Variants in PUDP observed in about 807,000 individuals in gnomAD.
PUDP encodes pseudouridine-5'-phosphatase.
In PUDP, 8 loss-of-function variants were observed where a neutral mutation model predicts 9.4. The ratio of observed to expected loss-of-function variants is 0.85; its 90% CI spans 0.50 to 1.53. PUDP has a LOEUF of 1.53. Ranked by LOEUF, PUDP falls within the 40% of genes most tolerant of loss-of-function variation. The pLI is 0.00. For synonymous variants in PUDP, 99 were observed against 80.7 expected (o/e 1.23, Z -1.22); for missense variants, 188 against 189.7 (o/e 0.99, Z 0.05).
chrX:6,772,944 T>C (rs192043267), intron 3 of PUDP, among the ~76,000 whole-genome samples: 317 of 112,057 alleles, frequency 2.8e-3, no homozygotes, highest in Non-Finnish European at 4.8e-3. Context: ...AGAAGGGCAA[T>C]AGTTGAAGCT....
At chrX:6,866,861 C>T (rs985975553) in intron 3 of PUDP, among the ~76,000 whole-genome samples, 6 of 111,422 alleles carry the variant, frequency 5.4e-5, no homozygotes, top group South Asian at 3.8e-4. Flanking sequence ...TAAAATGTCA[C>T]GGAAACTTAC....
At chrX:6,986,046 C>T (rs948088516) in intron 1 of PUDP, among the ~76,000 whole-genome samples, 4 of 111,230 alleles carry the variant, frequency 3.6e-5, no homozygotes, top group Middle Eastern at 4.2e-3. Flanking sequence ...CTCCCACCAG[C>T]GCCATGACAG....
chrX:6,733,770 CTTTTT>C (rs3046297), intron 3 of PUDP, among the ~76,000 whole-genome samples: 1 of 46,262 alleles, frequency 2.2e-5, no homozygotes, highest in East Asian at 7.3e-4. Flanking sequence ...AAAGCAAAGC[CTTTTT>C]TTTTTTTTTT....
At chrX:6,762,190 C>G (rs1176504825) in intron 3 of PUDP, among the ~76,000 whole-genome samples, 1 of 111,572 alleles carries the variant, frequency 9.0e-6, no homozygotes, top group Non-Finnish European at 1.9e-5. Context: ...GATCTTGTCT[C>G]AAAATAAAAT....
intron 3 of PUDP, among the ~76,000 whole-genome samples, chrX:6,870,106 T>A (rs1433326531): frequency 9.0e-6 from 1 of 111,071 alleles, no homozygotes; most frequent in Non-Finnish European, 1.9e-5. Flanking sequence ...TTCTGACACA[T>A]GTTACAACCT....
chrX:6,710,092 C>T (rs1305785575), intron 1 of PUDP, among the ~76,000 whole-genome samples: 1 of 112,084 alleles, frequency 8.9e-6, no homozygotes, highest in Non-Finnish European at 1.9e-5. Flanking sequence ...CACTGCACTC[C>T]AGCCTGGGCG....
chrX:7,014,177 G>C (rs1929516856), intron 1 of PUDP, among the ~76,000 whole-genome samples: 2 of 110,238 alleles, frequency 1.8e-5, no homozygotes, highest in African/African-American at 6.6e-5. Flanking sequence ...CCATTTGTCT[G>C]CTTGTCTCCT....
Position 7,058,949 on chromosome X carries a change from C to G in PUDP, c.511-8477G>C, listed in dbSNP as rs183734154. Among the ~76,000 whole-genome samples, 8 of 111,099 alleles carry G rather than the reference C, an allele frequency of 7.2e-5. No homozygotes were observed. In the East Asian group the frequency reaches 2.0e-3, roughly 28 times the overall value. ...TAGTGCTGAGGTGGAGGTCAGTATC[C>G]CTTGTGCACCGCAGAGCTACTGTTT... On this transcript the variant is annotated intron_variant, in intron 3 of 3. Transcript: ENST00000381077.
intron 3 of PUDP, among the ~76,000 whole-genome samples, chrX:7,059,138 C>T (rs142359677): frequency 4.5e-5 from 5 of 111,768 alleles, no homozygotes; most frequent in East Asian, 2.8e-4. Context: ...AGTTATTTAA[C>T]GACTTGGTTG....
At chrX:6,839,900 C>G (rs902078109) in intron 3 of PUDP, among the ~76,000 whole-genome samples, 3 of 110,546 alleles carry the variant, frequency 2.7e-5, no homozygotes, top group African/African-American at 9.9e-5. Context: ...TATGCCCCCC[C>G]CTCCCCCATA....
At chrX:6,787,055 T>C (rs757222457) in intron 3 of PUDP, among the ~76,000 whole-genome samples, 1 of 106,378 alleles carries the variant, frequency 9.4e-6, no homozygotes, top group South Asian at 4.8e-4. Flanking sequence ...TATTAATACA[T>C]TGGAAGATTT....
At chrX:6,776,281 A>G (rs970576355) in intron 3 of PUDP, among the ~76,000 whole-genome samples, 2 of 110,310 alleles carry the variant, frequency 1.8e-5, no homozygotes, top group East Asian at 5.7e-4. Flanking sequence ...CCTGTAAACC[A>G]AGCACCTTGG....
chrX:6,946,714 TA>T (rs66799319), intron 3 of PUDP, among the ~76,000 whole-genome samples: 22,973 of 109,457 alleles, frequency 0.21, 1,968 homozygotes, highest in Admixed American at 0.35. Flanking sequence ...ATCTGAAATG[TA>T]AAAAAAAATC....
intron 3 of PUDP, among the ~76,000 whole-genome samples, chrX:6,933,478 C>T (rs1428080582): frequency 7.3e-5 from 8 of 110,124 alleles, no homozygotes; most frequent in Admixed American, 2.9e-4. Context: ...ACCAAAAACC[C>T]ATCTGTACAT....
At chrX:6,936,853 C>G (rs1198793407) in intron 3 of PUDP, among the ~76,000 whole-genome samples, 2 of 98,533 alleles carry the variant, frequency 2.0e-5, no homozygotes, top group East Asian at 3.3e-4. Flanking sequence ...AGACAGAGAG[C>G]CAAATCATGA....
chrX:6,816,763 AATAT>A (rs1352120604), intron 3 of PUDP, among the ~76,000 whole-genome samples: 1 of 95,469 alleles, frequency 1.0e-5, no homozygotes, highest in Admixed American at 1.3e-4. Flanking sequence ...TAGTATATAC[AATAT>A]ATATACACAT....
chrX:6,856,030 AG>A (rs1301154574), intron 3 of PUDP, among the ~76,000 whole-genome samples: 1 of 111,738 alleles, frequency 8.9e-6, no homozygotes, highest in Non-Finnish European at 1.9e-5. Flanking sequence ...GGGGACTTGC[AG>A]ACATTAACCA....
At chrX:6,747,314 C>T (rs1026502101) in intron 3 of PUDP, among the ~76,000 whole-genome samples, 12 of 111,948 alleles carry the variant, frequency 1.1e-4, no homozygotes, top group South Asian at 7.5e-4. Context: ...GTTTTTCACC[C>T]TTATTCTCAG....
intron 1 of PUDP, among the ~76,000 whole-genome samples, chrX:6,712,576 G>A (rs1243811654): frequency 8.9e-6 from 1 of 112,147 alleles, no homozygotes; most frequent in Non-Finnish European, 1.9e-5. Flanking sequence ...AGATGAAGCG[G>A]TTCAATGATT....
Sources: allele counts gnomAD v4.1 joint callset (sites outside exome capture counted in the v4.1 genomes callset), GRCh38; gene constraint gnomAD v4.1.1; transcripts MANE v1.5; gene names NCBI Gene and HGNC (gene_info 2026-07-23, HGNC 2026-07-21).